SOCS6: variants seen among roughly 807,000 people sequenced by gnomAD.
SOCS6 encodes suppressor of cytokine signaling 6.
In SOCS6, 5 loss-of-function variants were observed where a neutral mutation model predicts 27.7. The ratio of observed to expected loss-of-function variants is 0.18; its 90% CI spans 0.09 to 0.38. The LOEUF is 0.38. Among genes scored for constraint, SOCS6 ranks in the 10% least tolerant of loss-of-function variants. SOCS6 has a pLI of 1.00. For missense variants in SOCS6, 595 were observed against 688.1 expected, an observed-to-expected ratio of 0.86 and a Z score of 1.51; for synonymous variants, 271 against 260.0, an observed-to-expected ratio of 1.04 and a Z score of -0.41.
intron 1 of SOCS6, among the ~76,000 whole-genome samples, chr18:70,307,811 T>C (rs935946649): frequency 1.3e-5 from 2 of 152,164 alleles, no homozygotes; most frequent in Non-Finnish European, 2.9e-5. Context: ...GTTTTATTTG[T>C]TTTTTCCCTC....
At position 70,325,882 on chromosome 18, in the gene SOCS6, C is replaced by A. The variant is rs1171875046; in HGVS notation, c.1214C>A (p.Ser405Tyr). ...AAGCTAGCAAACGTGCCAGATGGTT[C>A]TTTTCTTGTTCGGGACAGTTCTGAC... Reference protein sequence around the residue: ...EGKLANVPDGSFLVRDSSDDR... With the variant: ...EGKLANVPDGYFLVRDSSDDR... Residue 405 changes from serine (S) to tyrosine (Y), a missense_variant, in exon 2 of 2, where the codon TCT becomes TAT. This residue lies in a region of SOCS6 where 128 missense variants were observed against 207.0 expected (regional missense o/e 0.62). Transcript: ENST00000397942. This position sits in a 1 kb window ranked among gnomAD's most constrained non-coding sequence, Gnocchi z 6.3. 3.1e-6 allele frequency: 5 copies of A among 1,614,082 alleles called. No homozygotes were observed. Among genetic ancestry groups the A allele is most frequent in the South Asian group, 1.1e-5 (1 of 91,090 alleles).
At position 70,318,492 on chromosome 18, in the gene SOCS6, T is replaced by C. The variant is rs1181181182; in HGVS notation, c.-126-6051T>C. ...ACAACTAGCTGGTAGCATAAGAAAA[T>C]CGCAGGCACAGTGAAGAAGAGAATA... On this transcript the variant is annotated intron_variant, in intron 1 of 1. Coordinates refer to ENST00000397942, the MANE Select transcript of SOCS6 (RefSeq NM_004232.4). 3.3e-5 allele frequency among the ~76,000 whole-genome samples: 5 copies of C among 151,906 alleles called. No homozygotes were observed. The East Asian group carries it at 9.6e-4, about 29-fold the overall frequency.
intron 1 of SOCS6, among the ~76,000 whole-genome samples, chr18:70,315,063 T>C (rs1464876324): frequency 2.0e-5 from 3 of 152,164 alleles, no homozygotes; most frequent in Non-Finnish European, 4.4e-5. Context: ...ATATACCTTA[T>C]CTAGTTGAAT....
At chr18:70,314,122 G>A (rs951312121) in intron 1 of SOCS6, 21 of 152,090 alleles carry the variant, frequency 1.4e-4, no homozygotes, top group African/African-American at 4.8e-5. Context: ...CGGGTGTGGT[G>A]GCACACACCT....
At chr18:70,312,148 A>G (rs1223890849) in intron 1 of SOCS6, among the ~76,000 whole-genome samples, 1 of 152,228 alleles carries the variant, frequency 6.6e-6, no homozygotes, top group Non-Finnish European at 1.5e-5. Context: ...TAAGATCACA[A>G]AATTATTCAG....
At chr18:70,291,444 A>G (rs2062299026) in intron 1 of SOCS6, among the ~76,000 whole-genome samples, 1 of 152,182 alleles carries the variant, frequency 6.6e-6, no homozygotes, top group Non-Finnish European at 1.5e-5. Context: ...CACTCCTTAG[A>G]GAAAAATCTT....
intron 1 of SOCS6, among the ~76,000 whole-genome samples, chr18:70,301,329 T>C (rs531680851): frequency 6.6e-6 from 1 of 152,252 alleles, no homozygotes; most frequent in African/African-American, 2.4e-5. Context: ...TGGACTAGTA[T>C]AGTGGCAAAA....
Position 70,324,859 on chromosome 18 carries a change from G to GA in SOCS6, c.197dup (p.Asn66LysfsTer49). 2 of 1,614,122 alleles carry GA rather than the reference G, an allele frequency of 1.2e-6. No individual in the cohort carries two copies. Among genetic ancestry groups the GA allele is most frequent in the African/African-American group, 1.3e-5 (1 of 75,020 alleles). ...ATCAACGGTGAAGATGAAAAAGGCGGAAAAAACAGATCAAAAAGCGAGAGC... is the reference window on the plus strand; with the variant it reads ...ATCAACGGTGAAGATGAAAAAGGCGGAAAAAAACAGATCAAAAAGCGAGAGC... On this transcript the variant is annotated frameshift_variant, in exon 2 of 2. Transcript: ENST00000397942. LOFTEE classifies it high-confidence loss of function.
chr18:70,295,217 A>T (rs954216701), intron 1 of SOCS6, among the ~76,000 whole-genome samples: 1 of 152,256 alleles, frequency 6.6e-6, no homozygotes, highest in African/African-American at 2.4e-5. Flanking sequence ...TATGGCTCCT[A>T]TTAGATAAGA....
At chr18:70,292,321 G>A (rs111524015) in intron 1 of SOCS6, among the ~76,000 whole-genome samples, 1 of 152,192 alleles carries the variant, frequency 6.6e-6, no homozygotes, top group African/African-American at 2.4e-5. Flanking sequence ...TAATGAATAT[G>A]TATTTATGGT....
At chr18:70,324,175 G>T (rs769242147) in intron 1 of SOCS6, among the ~76,000 whole-genome samples, 35 of 152,006 alleles carry the variant, frequency 2.3e-4, no homozygotes, top group African/African-American at 8.5e-4. Context: ...GGTGGTGGGC[G>T]TCTGTAGTCC....
At chr18:70,308,791 AC>A in intron 1 of SOCS6, among the ~76,000 whole-genome samples, 1 of 151,980 alleles carries the variant, frequency 6.6e-6, no homozygotes, top group South Asian at 2.1e-4. Context: ...TTATGTATTG[AC>A]CCTTTTATCA....
At chr18:70,300,506 G>GT (rs2062343679) in intron 1 of SOCS6, among the ~76,000 whole-genome samples, 1 of 152,160 alleles carries the variant, frequency 6.6e-6, no homozygotes, top group South Asian at 2.1e-4. Flanking sequence ...TTCATATTCA[G>GT]TTTAATAATT....
intron 1 of SOCS6, among the ~76,000 whole-genome samples, chr18:70,292,045 T>A (rs2062301922): frequency 1.3e-5 from 2 of 152,228 alleles, no homozygotes. Context: ...GGACACAGTT[T>A]ACTTAAACTG....
chr18:70,317,496 A>G (rs140273059), intron 1 of SOCS6, among the ~76,000 whole-genome samples: 27,497 of 146,322 alleles, frequency 0.19, 3,205 homozygotes, highest in Non-Finnish European at 0.25. Flanking sequence ...ATATATACAC[A>G]TATATACATA....
chr18:70,325,461 G>A lies in SOCS6; in HGVS notation c.793G>A (p.Asp265Asn). 6.2e-7 allele frequency: 1 copy of A among 1,614,196 alleles called. No individual in the cohort carries two copies. The highest frequency in any genetic ancestry group is 8.5e-7 in the Non-Finnish European group (1 of 1,180,044). The change falls in exon 2 of 2, where the codon GAT becomes AAT. Residue 265 changes from aspartate to asparagine, a missense_variant. Coordinates refer to ENST00000397942, the MANE Select transcript of SOCS6 (RefSeq NM_004232.4). The surrounding 1 kb of genome is among the most constrained non-coding windows in gnomAD (Gnocchi z 6.3). ...PQVGGRAFPE[D>N]ESQVDQDLVV... ...AGTGGGAGGGCGCGCTTTCCCCGAG[G>A]ATGAGAGTCAGGTAGACCAGGACCT...
chr18:70,318,617 T>TG (rs1349074118), intron 1 of SOCS6, among the ~76,000 whole-genome samples: 8 of 150,004 alleles, frequency 5.3e-5, no homozygotes, highest in Non-Finnish European at 7.4e-5. Context: ...TTATTGTTGT[T>TG]TTTTTTTTTT....
chr18:70,299,766 A>G (rs1473448080), intron 1 of SOCS6, among the ~76,000 whole-genome samples: 1 of 152,256 alleles, frequency 6.6e-6, no homozygotes. Context: ...ACTAGAGACA[A>G]AGATGAAATA....
rs1911276612 is a variant in SOCS6, at chr18:70,328,031, T to G, written c.*1755T>G. 1 of 167,022 alleles carries G rather than the reference T, an allele frequency of 6.0e-6. No homozygotes were observed. The highest frequency in any genetic ancestry group is 1.5e-5 in the Non-Finnish European group (1 of 68,120). 10.3% of individuals were successfully genotyped at this position (167,022 alleles called of 1,614,324 possible). A position where few individuals can be genotyped will look rare whatever the true frequency, so the allele number is the denominator to read the frequency against. On this transcript the variant is annotated 3_prime_UTR_variant, in exon 2 of 2. Coordinates refer to ENST00000397942, the MANE Select transcript of SOCS6 (RefSeq NM_004232.4). ...TACTTAATTTTGGTGGGATGTTGATTGTACCTTGTTAAAAAGACTCTCATT... is the reference window on the plus strand; with the variant it reads ...TACTTAATTTTGGTGGGATGTTGATGGTACCTTGTTAAAAAGACTCTCATT...
Sources: allele counts gnomAD v4.1 joint callset (sites outside exome capture counted in the v4.1 genomes callset), GRCh38; gene constraint gnomAD v4.1.1; regional missense constraint gnomAD v4.1.1; non-coding constraint Gnocchi (gnomAD v3.1); transcripts MANE v1.5; gene names NCBI Gene and HGNC (gene_info 2026-07-23, HGNC 2026-07-21).